Variants in PPARA observed in about 807,000 individuals in gnomAD.
PPARA encodes peroxisome proliferator activated receptor alpha, also known as peroxisome proliferator-activated receptor alpha.
In PPARA, 22 loss-of-function variants were observed where a neutral mutation model predicts 42.2. That is an observed-to-expected ratio of 0.52 (90% CI 0.37 to 0.74). The LOEUF (loss-of-function observed/expected upper bound fraction) is 0.74. Among genes scored for constraint, PPARA ranks in the 30% least tolerant of loss-of-function variants. The probability of loss-of-function intolerance (pLI) is 0.00; values close to 1 mark genes in which losing one functional copy is unlikely to be tolerated. For missense variants in PPARA, 465 were observed against 608.2 expected (o/e 0.76, Z 2.48); for synonymous variants, 242 against 239.3 (o/e 1.01, Z -0.10).
chr22:46,187,463 G>A lies in PPARA; in HGVS notation c.-43+10627G>A, dbSNP rs1047255342. Among the ~76,000 whole-genome samples, 19 of 152,144 alleles carry A rather than the reference G, an allele frequency of 1.2e-4. No homozygotes were observed. The highest frequency in any genetic ancestry group is 2.8e-4 in the Non-Finnish European group (19 of 68,032). ...GTTGTCAGGATCAGCTCTTTATCTC[G>A]CAGTCCTCCTGCCTCTTGTGTCATT... On this transcript the variant is annotated intron_variant, in intron 3 of 8. Transcript: ENST00000407236. This position sits in a 1 kb window ranked among gnomAD's most constrained non-coding sequence, Gnocchi z 4.9.
rs1453129022 is a variant in PPARA at position 46,230,688 on chromosome 22, G to A, written c.712-1104G>A. On this transcript the variant is annotated intron_variant, in intron 7 of 8. Transcript: ENST00000407236. The surrounding 1 kb of genome is among the most constrained non-coding windows in gnomAD (Gnocchi z 5.0). ...ACACAAGGCACGGCTGTGGGGAGTT[G>A]GCACTTGCTCCAGAATATGGAGCAC... Among the ~76,000 whole-genome samples, 2 of 152,194 alleles carry A rather than the reference G, an allele frequency of 1.3e-5. No individual in the cohort carries two copies. The highest frequency in any genetic ancestry group is 4.8e-5 in the African/African-American group (2 of 41,460).
intron 2 of PPARA, chr22:46,176,055 C>CTTGATCCTAGGAGGCAGAGG (rs1928999499): frequency 6.6e-6 from 1 of 152,226 alleles, no homozygotes; most frequent in South Asian, 2.1e-4. Context: ...AGGAGGACTG[C>CTTGATCCTAGGAGGCAGAGG]TTGATCCTAG....
At position 46,227,238 on chromosome 22, in the gene PPARA, CA is replaced by C. The variant is rs1935530581; in HGVS notation, c.712-4553del. Among the ~76,000 whole-genome samples, 1 of 151,908 alleles carries C rather than the reference CA, an allele frequency of 6.6e-6. No individual in the cohort carries two copies. Among genetic ancestry groups the C allele is most frequent in the Non-Finnish European group, 1.5e-5 (1 of 67,994 alleles). On this transcript the variant is annotated intron_variant, in intron 7 of 8. Coordinates refer to ENST00000407236, the MANE Select transcript of PPARA (RefSeq NM_005036.6). The surrounding 1 kb of genome is among the most constrained non-coding windows in gnomAD (Gnocchi z 4.3). ...ATCCAAAGCAGTTCTACCAGTGCTT[CA>C]CATTTATTTTTTATTTATTTATTTA...
At position 46,224,159 on chromosome 22, in the gene PPARA, G is replaced by T. The variant is rs1307533984; in HGVS notation, c.711+4145G>T. Among the ~76,000 whole-genome samples the T allele has an allele frequency of 6.6e-6, 1 of 152,170 alleles. No individual in the cohort carries two copies. Among genetic ancestry groups the T allele is most frequent in the Non-Finnish European group, 1.5e-5 (1 of 68,040 alleles). ...CTCTTTGTGTTTGATCACACTGTTTGCTCCAAGCCAGGGTTGCGTCCCACC... is the reference window on the plus strand; with the variant it reads ...CTCTTTGTGTTTGATCACACTGTTTTCTCCAAGCCAGGGTTGCGTCCCACC... On this transcript the variant is annotated intron_variant, in intron 7 of 8. Coordinates refer to ENST00000407236, the MANE Select transcript of PPARA (RefSeq NM_005036.6). This position sits in a 1 kb window ranked among gnomAD's most constrained non-coding sequence, Gnocchi z 5.7.
In PPARA at chr22:46,191,941, C is replaced by T. The variant is rs1056371157; in HGVS notation, c.-42-6401C>T. On this transcript the variant is annotated intron_variant, in intron 3 of 8. Coordinates refer to ENST00000407236, the MANE Select transcript of PPARA (RefSeq NM_005036.6). The surrounding 1 kb of genome is among the most constrained non-coding windows in gnomAD (Gnocchi z 4.6). ...GTAGCCGGGCGTGGTGGCGCACGCC[C>T]GTAGTCCCAGCTACTCAGGAGGCTG... 5.9e-5 allele frequency among the ~76,000 whole-genome samples: 9 copies of T among 152,050 alleles called. No homozygotes were observed. Among genetic ancestry groups the T allele is most frequent in the African/African-American group, 1.7e-4 (7 of 41,400 alleles).
In PPARA at chr22:46,225,630, C is replaced by T. The variant is rs1935359406; in HGVS notation, c.711+5616C>T. ...ATCCATGCATGCATGTGTACACAAA[C>T]ACACCCACACATACACATGCACCCA... On this transcript the variant is annotated intron_variant, in intron 7 of 8. Transcript: ENST00000407236. This position sits in a 1 kb window ranked among gnomAD's most constrained non-coding sequence, Gnocchi z 4.1. Among the ~76,000 whole-genome samples the T allele has an allele frequency of 6.6e-6, 1 of 151,670 alleles. No individual in the cohort carries two copies. The highest frequency in any genetic ancestry group is 1.5e-5 in the Non-Finnish European group (1 of 67,904).
intron 2 of PPARA, among the ~76,000 whole-genome samples, chr22:46,169,719 A>G (rs115265662): frequency 6.6e-6 from 1 of 152,058 alleles, no homozygotes; most frequent in African/African-American, 2.4e-5. Context: ...GATATATAAG[A>G]TCTCTACTCA....
chr22:46,154,977 T>A, intron 2 of PPARA: 1 of 99,572 alleles, frequency 1.0e-5, no homozygotes, highest in African/African-American at 4.2e-5. Context: ...CCGGCATAAG[T>A]GGTCTTTCTT....
chr22:46,151,458 C>G (rs941503263), intron 1 of PPARA, among the ~76,000 whole-genome samples: 13 of 152,262 alleles, frequency 8.5e-5, no homozygotes, highest in Admixed American at 2.0e-4. Flanking sequence ...CAGTGGAAGT[C>G]AGGAGGGTCG....
chr22:46,168,331 A>G (rs4253648), intron 2 of PPARA, among the ~76,000 whole-genome samples: 25,005 of 136,610 alleles, frequency 0.18, 3,568 homozygotes, highest in African/African-American at 0.39. Context: ...CAGCCTGGAC[A>G]ACAGAGCGAG....
chr22:46,217,819 CTTTTTTTTTTTTT>C (rs60894989), intron 5 of PPARA, among the ~76,000 whole-genome samples: 39 of 77,060 alleles, frequency 5.1e-4, no homozygotes, highest in Admixed American at 1.1e-3. Flanking sequence ...CTATTTCTTT[CTTTTTTTTTTTTT>C]TTTTTTTTTT....
intron 4 of PPARA, among the ~76,000 whole-genome samples, chr22:46,201,401 C>T (rs1405469771): frequency 6.6e-6 from 1 of 152,148 alleles, no homozygotes; most frequent in African/African-American, 2.4e-5. Flanking sequence ...GTTTTGACTC[C>T]CTTTCTCCTG....
chr22:46,221,178 T>G lies in PPARA; in HGVS notation c.711+1164T>G, dbSNP rs1934971850. Among the ~76,000 whole-genome samples, 1 of 152,036 alleles carries G rather than the reference T, an allele frequency of 6.6e-6. No homozygotes were observed. Among genetic ancestry groups the G allele is most frequent in the Non-Finnish European group, 1.5e-5 (1 of 68,020 alleles). ...AGGAGCAAAAACAAGAGACACACAC[T>G]TTTCACCCATCAGATCTTGTGAGAA... is the stretch of plus-strand genomic sequence containing the variant. On this transcript the variant is annotated intron_variant, in intron 7 of 8. Coordinates refer to ENST00000407236, the MANE Select transcript of PPARA (RefSeq NM_005036.6). The surrounding 1 kb of genome is among the most constrained non-coding windows in gnomAD (Gnocchi z 5.9).
chr22:46,166,630 A>C (rs563997712), intron 2 of PPARA, among the ~76,000 whole-genome samples: 44 of 152,146 alleles, frequency 2.9e-4, no homozygotes, highest in Non-Finnish European at 5.4e-4. Context: ...AAAAAAAAAA[A>C]ACAAAAAACA....
At chr22:46,194,674 C>G (rs1160185172) in intron 3 of PPARA, among the ~76,000 whole-genome samples, 1 of 149,796 alleles carries the variant, frequency 6.7e-6, no homozygotes, top group Non-Finnish European at 1.5e-5. Context: ...CAGGTTCAAG[C>G]GATTCTCCTG....
rs1929778633 is a variant in PPARA at position 46,180,385 on chromosome 22, T to C, written c.-43+3549T>C. Among the ~76,000 whole-genome samples, 1 of 152,136 alleles carries C rather than the reference T, an allele frequency of 6.6e-6. No individual in the cohort carries two copies. Among genetic ancestry groups the C allele is most frequent in the South Asian group, 2.1e-4 (1 of 4,826 alleles). On this transcript the variant is annotated intron_variant, in intron 3 of 8. Coordinates refer to ENST00000407236, the MANE Select transcript of PPARA (RefSeq NM_005036.6). This position sits in a 1 kb window ranked among gnomAD's most constrained non-coding sequence, Gnocchi z 4.2. ...CTGTTTAGGCCCAGACTGAAAGGCTTTAAGTAACCACTCCCCCACTGAAGT... is the reference window on the plus strand; with the variant it reads ...CTGTTTAGGCCCAGACTGAAAGGCTCTAAGTAACCACTCCCCCACTGAAGT...
At chr22:46,214,439 G>A (rs1023186833) in intron 4 of PPARA, among the ~76,000 whole-genome samples, 3 of 151,782 alleles carry the variant, frequency 2.0e-5, no homozygotes, top group African/African-American at 7.3e-5. Context: ...TGGAGGGCTA[G>A]GAGATGCGTG....
rs151033281 is a variant in PPARA at position 46,160,767 on chromosome 22, G to C, written c.-127+8797G>C. 1.3e-5 allele frequency among the ~76,000 whole-genome samples: 2 copies of C among 152,124 alleles called. No individual in the cohort carries two copies. The highest frequency in any genetic ancestry group is 4.8e-5 in the African/African-American group (2 of 41,502). On this transcript the variant is annotated intron_variant, in intron 2 of 8. Transcript: ENST00000407236. This position sits in a 1 kb window ranked among gnomAD's most constrained non-coding sequence, Gnocchi z 4.5. Reference sequence around the variant, plus strand: ...AGGTGCACACCACCACACCCAACTAGATTTTGTGTTTTTTGTAGAGATGGG... The same window carrying C: ...AGGTGCACACCACCACACCCAACTACATTTTGTGTTTTTTGTAGAGATGGG...
chr22:46,175,857 T>A (rs1928966836), intron 2 of PPARA: 1 of 152,194 alleles, frequency 6.6e-6, no homozygotes, highest in Non-Finnish European at 1.5e-5. Flanking sequence ...TTCCATGGTA[T>A]GGAGGAACCA....
Sources: allele counts gnomAD v4.1 joint callset (sites outside exome capture counted in the v4.1 genomes callset), GRCh38; gene constraint gnomAD v4.1.1; non-coding constraint Gnocchi (gnomAD v3.1); transcripts MANE v1.5; gene names NCBI Gene and HGNC (gene_info 2026-07-23, HGNC 2026-07-21).